Variants in UBE2V1 observed in about 807,000 individuals in gnomAD.
UBE2V1 encodes the protein ubiquitin conjugating enzyme E2 V1, also known as ubiquitin-conjugating enzyme E2 variant 1.
In UBE2V1, 15 loss-of-function variants were observed where a neutral mutation model predicts 19.6. That is an observed-to-expected ratio of 0.77 (90% CI 0.51 to 1.18). The LOEUF (loss-of-function observed/expected upper bound fraction) is 1.18, where lower values mean the gene tolerates loss of function less well. UBE2V1 is among the 50% of genes most tolerant of loss of function. The pLI is 0.00. For missense variants in UBE2V1, 125 were observed against 184.8 expected (o/e 0.68, Z 1.88); for synonymous variants, 60 against 60.7 (o/e 0.99, Z 0.05).
upstream of UBE2V1, chr20:50,115,385 G>A: frequency 7.3e-7 from 1 of 1,373,782 alleles, no homozygotes; most frequent in Non-Finnish European, 9.5e-7. Flanking sequence ...CGTGATACAA[G>A]TTTGCTTTGG....
intron 1 of UBE2V1, among the ~76,000 whole-genome samples, chr20:50,110,626 C>T (rs571643069): frequency 1.6e-4 from 24 of 152,292 alleles, no homozygotes; most frequent in Non-Finnish European, 2.9e-4. Context: ...TGCCTAGGGA[C>T]GAAGGTCAGA....
chr20:50,099,876 C>T (rs897773989), intron 1 of UBE2V1, among the ~76,000 whole-genome samples: 2 of 152,080 alleles, frequency 1.3e-5, no homozygotes, highest in African/African-American at 2.4e-5. Flanking sequence ...CCAAGACAAT[C>T]GTCTGAGGCC....
intron 2 of UBE2V1, among the ~76,000 whole-genome samples, chr20:50,090,357 C>G (rs955291675): frequency 6.6e-6 from 1 of 151,218 alleles, no homozygotes; most frequent in African/African-American, 2.4e-5. Context: ...ATTATTCAGC[C>G]ATAAATAAGA....
At chr20:50,091,684 C>T (rs1029207954) in intron 2 of UBE2V1, among the ~76,000 whole-genome samples, 10 of 152,244 alleles carry the variant, frequency 6.6e-5, no homozygotes, top group South Asian at 2.1e-4. Flanking sequence ...TGAGTTACCA[C>T]GCCCCGCCTC....
At chr20:50,098,091 G>A (rs894902351) in intron 1 of UBE2V1, among the ~76,000 whole-genome samples, 4 of 152,184 alleles carry the variant, frequency 2.6e-5, no homozygotes, top group Admixed American at 6.5e-5. Flanking sequence ...AGTAATACGG[G>A]AGGGGCTATA....
upstream of UBE2V1, chr20:50,115,115 A>C (rs139775621): frequency 1.1e-5 from 2 of 181,662 alleles, no homozygotes; most frequent in Non-Finnish European, 2.3e-5. Context: ...GCCTCACCAT[A>C]GCCTTGGCAC....
intron 1 of UBE2V1, among the ~76,000 whole-genome samples, chr20:50,101,762 G>A (rs963556910): frequency 6.6e-6 from 1 of 152,012 alleles, no homozygotes; most frequent in Non-Finnish European, 1.5e-5. Context: ...CAATCTAGGG[G>A]CTATGAACAA....
chr20:50,101,228 T>C (rs891571892), intron 1 of UBE2V1, among the ~76,000 whole-genome samples: 2 of 152,312 alleles, frequency 1.3e-5, no homozygotes, highest in South Asian at 4.1e-4. Context: ...GTTTAATAAA[T>C]GAAAAACTTT....
intron 2 of UBE2V1, among the ~76,000 whole-genome samples, chr20:50,086,290 T>A (rs1435938502): frequency 6.6e-6 from 1 of 152,078 alleles, no homozygotes; most frequent in Non-Finnish European, 1.5e-5. Context: ...CCCTCCCAAC[T>A]GAGGCTCAGT....
chr20:50,093,841 T>G (rs532520615), intron 2 of UBE2V1, among the ~76,000 whole-genome samples: 1 of 150,564 alleles, frequency 6.6e-6, no homozygotes, highest in Non-Finnish European at 1.5e-5. Context: ...AATACAAAAT[T>G]AGCTGGGCGT....
chr20:50,113,835 CCTA>C (rs1265232104), upstream of UBE2V1, among the ~76,000 whole-genome samples: 16 of 150,796 alleles, frequency 1.1e-4, no homozygotes, highest in Non-Finnish European at 1.5e-4. Context: ...ACATTAAGCA[CCTA>C]CTATGTACCA....
intron 1 of UBE2V1, among the ~76,000 whole-genome samples, chr20:50,097,919 T>C (rs774596909): frequency 6.6e-6 from 1 of 152,186 alleles, no homozygotes; most frequent in African/African-American, 2.4e-5. Context: ...GAATAAATAT[T>C]TGAGTACTTA....
At chr20:50,107,031 G>A (rs972782184) in intron 1 of UBE2V1, among the ~76,000 whole-genome samples, 2 of 152,196 alleles carry the variant, frequency 1.3e-5, no homozygotes, top group Non-Finnish European at 2.9e-5. Flanking sequence ...AGGTATGGAA[G>A]GTGATGCACT....
upstream of UBE2V1, chr20:50,113,252 G>T: frequency 1.4e-6 from 1 of 729,814 alleles, no homozygotes; most frequent in Non-Finnish European, 1.9e-6. Context: ...CCGGAGACCT[G>T]CACGACCCGT....
chr20:50,111,117 G>A (rs1333962576), intron 1 of UBE2V1, among the ~76,000 whole-genome samples: 1 of 152,154 alleles, frequency 6.6e-6, no homozygotes, highest in Non-Finnish European at 1.5e-5. Context: ...GGACATAATA[G>A]GCCCTCAGTA....
chr20:50,085,577 C>T (rs527813737), intron 2 of UBE2V1, among the ~76,000 whole-genome samples: 4 of 152,268 alleles, frequency 2.6e-5, no homozygotes, highest in Admixed American at 6.5e-5. Flanking sequence ...CTCCGGCATC[C>T]GTGCCCTCTC....
intron 2 of UBE2V1, among the ~76,000 whole-genome samples, chr20:50,094,252 T>C (rs2079476979): frequency 7.2e-6 from 1 of 139,392 alleles, no homozygotes; most frequent in African/African-American, 2.6e-5. Context: ...CATTATATAA[T>C]ATATAATGCA....
chr20:50,091,645 G>A (rs183140161), intron 2 of UBE2V1, among the ~76,000 whole-genome samples: 1 of 152,044 alleles, frequency 6.6e-6, no homozygotes, highest in Admixed American at 6.5e-5. Flanking sequence ...TGCCCGCCTT[G>A]GCCTCCCAAA....
At chr20:50,093,799 G>C (rs1176169853) in intron 2 of UBE2V1, among the ~76,000 whole-genome samples, 1 of 151,406 alleles carries the variant, frequency 6.6e-6, no homozygotes, top group Non-Finnish European at 1.5e-5. Flanking sequence ...AGACCAGCCT[G>C]GCTAAGATGG....
Sources: gnomAD v4.1 joint callset for allele counts (sites outside exome capture counted in the v4.1 genomes callset) on GRCh38, gnomAD v4.1.1 for gene constraint, MANE v1.5 for transcripts, NCBI Gene and HGNC (gene_info 2026-07-23, HGNC 2026-07-21) for gene names.